Variants in DENND4A observed in about 807,000 individuals in gnomAD.
The protein encoded by DENND4A is C-myc promoter-binding protein.
A neutral mutation model predicts 199.3 loss-of-function variants in DENND4A; 70 were observed. The observed-to-expected ratio is 0.35, with a 90% confidence interval of 0.29 to 0.43. DENND4A has a LOEUF of 0.43. Among genes scored for constraint, DENND4A ranks in the 20% least tolerant of loss-of-function variants. DENND4A has a pLI of 1.00. For synonymous variants in DENND4A, 686 were observed against 766.9 expected (o/e 0.89, Z 1.74); for missense variants, 1,723 against 2,255.8 (o/e 0.76, Z 4.78).
chr15:65,765,360 G>T (rs2076956562), intron 1 of DENND4A, among the ~76,000 whole-genome samples: 1 of 152,302 alleles, frequency 6.6e-6, no homozygotes, highest in African/African-American at 2.4e-5. Flanking sequence ...TGTGCTTCCT[G>T]CAGCTACATG....
rs531502256 is a variant in DENND4A, at chr15:65,764,544, T to C, written c.-101-3106A>G. Among the ~76,000 whole-genome samples the C allele has an allele frequency of 3.3e-5, 5 of 152,064 alleles. No homozygotes were observed. The South Asian group carries it at 1.0e-3, about 32-fold the overall frequency. ...TACTCGGGAGGCTGAGACATGAGAA[T>C]TGCTTGAACCCTGGAGGCGGAGGTT... is the stretch of plus-strand genomic sequence containing the variant. On this transcript the variant is annotated intron_variant, in intron 1 of 32. Transcript: ENST00000443035.
chr15:65,770,913 T>C (rs568560397), intron 1 of DENND4A, among the ~76,000 whole-genome samples: 1 of 152,344 alleles, frequency 6.6e-6, no homozygotes, highest in South Asian at 2.1e-4. Context: ...TGATAATCCT[T>C]TCTCAAGACA....
rs555143443 is a variant in DENND4A, at chr15:65,722,279, A to T, written c.1588+569T>A. Among the ~76,000 whole-genome samples the T allele has an allele frequency of 1.5e-4, 23 of 152,262 alleles. 2 individuals carry two copies. In the South Asian group the frequency reaches 4.8e-3, roughly 32 times the overall value. ...GGGAGAACTGCTTGAGCCCAGGACAACATGGTAAGACCCTGTCTCTGTAAC... is the reference window on the plus strand; with the variant it reads ...GGGAGAACTGCTTGAGCCCAGGACATCATGGTAAGACCCTGTCTCTGTAAC... On this transcript the variant is annotated intron_variant, in intron 12 of 32. Coordinates refer to ENST00000443035, the MANE Select transcript of DENND4A (RefSeq NM_001320835.1).
At chr15:65,788,398 C>T (rs1188511131) in intron 1 of DENND4A, among the ~76,000 whole-genome samples, 1 of 152,130 alleles carries the variant, frequency 6.6e-6, no homozygotes, top group African/African-American at 2.4e-5. Flanking sequence ...AGAACACCTT[C>T]ATCTAAATTA....
chr15:65,697,916 A>G (rs1015501901), intron 20 of DENND4A, among the ~76,000 whole-genome samples: 1 of 152,176 alleles, frequency 6.6e-6, no homozygotes, highest in Non-Finnish European at 1.5e-5. Context: ...GTACAAATAC[A>G]TGGGAATGAG....
At chr15:65,770,807 C>G (rs2077106308) in intron 1 of DENND4A, among the ~76,000 whole-genome samples, 1 of 152,172 alleles carries the variant, frequency 6.6e-6, no homozygotes, top group East Asian at 1.9e-4. Context: ...AATAAAAAAG[C>G]AGTAACCTGT....
intron 7 of DENND4A, 64 bp downstream of exon 7, chr15:65,737,643 C>T (rs368521607): frequency 3.0e-5 from 45 of 1,480,962 alleles, no homozygotes; most frequent in African/African-American, 1.0e-4. Context: ...ACCCAGTTGC[C>T]GACACAAATT....
At chr15:65,780,984 G>A (rs951233697) in intron 1 of DENND4A, among the ~76,000 whole-genome samples, 1 of 152,170 alleles carries the variant, frequency 6.6e-6, no homozygotes, top group African/African-American at 2.4e-5. Context: ...AGATTATTCT[G>A]GGAGGGACCC....
intron 21 of DENND4A, 48 bp downstream of exon 21, chr15:65,697,219 G>T: frequency 1.7e-6 from 2 of 1,164,864 alleles, no homozygotes; most frequent in Non-Finnish European, 2.5e-6. Context: ...CATTTTCTAT[G>T]AATATAAGTT....
intron 4 of DENND4A, among the ~76,000 whole-genome samples, chr15:65,747,667 A>G (rs951620439): frequency 3.3e-5 from 5 of 152,040 alleles, no homozygotes; most frequent in African/African-American, 1.2e-4. Flanking sequence ...ATATCAATAC[A>G]CCCCAGTTTT....
At chr15:65,714,841 C>T (rs763526540) in intron 14 of DENND4A, among the ~76,000 whole-genome samples, 2 of 152,144 alleles carry the variant, frequency 1.3e-5, no homozygotes, top group African/African-American at 4.8e-5. Context: ...GGAATACTCT[C>T]CTTACCTGGC....
chr15:65,675,081 A>C (rs1323204473), intron 24 of DENND4A, among the ~76,000 whole-genome samples: 1 of 152,232 alleles, frequency 6.6e-6, no homozygotes, highest in Non-Finnish European at 1.5e-5. Context: ...TATTACATCC[A>C]TTCTTCATAC....
intron 1 of DENND4A, among the ~76,000 whole-genome samples, chr15:65,789,320 G>A (rs889460557): frequency 6.6e-6 from 1 of 152,126 alleles, no homozygotes; most frequent in African/African-American, 2.4e-5. Context: ...CCAAAGGGCT[G>A]TAATAACAGG....
chr15:65,715,463 T>C lies in DENND4A; in HGVS notation c.1953+15A>G, dbSNP rs1567037412. ...ACAAAATAAGTTAGGGCATTGTAGA[T>C]GTACTGTTACTTACTTTATCTACAC... is the stretch of plus-strand genomic sequence containing the variant. On this transcript the variant is annotated intron_variant, in intron 14 of 32. Coordinates refer to ENST00000443035, the MANE Select transcript of DENND4A (RefSeq NM_001320835.1). 6.2e-7 allele frequency: 1 copy of C among 1,600,314 alleles called. No individual in the cohort carries two copies. The highest frequency in any genetic ancestry group is 8.5e-7 in the Non-Finnish European group (1 of 1,176,106).
chr15:65,712,918 T>A (rs1243125326), intron 14 of DENND4A, among the ~76,000 whole-genome samples: 2 of 152,102 alleles, frequency 1.3e-5, no homozygotes, highest in East Asian at 1.9e-4. Flanking sequence ...TACAGGAAAA[T>A]TTAAGCACAG....
rs555021030 is a variant in DENND4A, at chr15:65,769,891, G to C, written c.-101-8453C>G. On this transcript the variant is annotated intron_variant, in intron 1 of 32. Coordinates refer to ENST00000443035, the MANE Select transcript of DENND4A (RefSeq NM_001320835.1). ...TACAACTGCTAAACACAGAAGACCA[G>C]AAATCAAATAGTTTTATCTCCAGTA... Among the ~76,000 whole-genome samples, 35 of 151,242 alleles carry C rather than the reference G, an allele frequency of 2.3e-4. No homozygotes were observed. In the East Asian group the frequency reaches 4.1e-3, roughly 18 times the overall value.
At chr15:65,694,986 T>A (rs1191956598) in intron 22 of DENND4A, among the ~76,000 whole-genome samples, 1 of 152,002 alleles carries the variant, frequency 6.6e-6, no homozygotes, top group African/African-American at 2.4e-5. Flanking sequence ...CAGACAGCAA[T>A]GAAAGAACAA....
chr15:65,683,127 G>A (rs1054508083), intron 23 of DENND4A, among the ~76,000 whole-genome samples: 6 of 152,180 alleles, frequency 3.9e-5, no homozygotes, highest in Non-Finnish European at 8.8e-5. Context: ...ACACAGGTTT[G>A]CCACAAACTT....
chr15:65,681,586 T>TG (rs1328884430), intron 23 of DENND4A, among the ~76,000 whole-genome samples: 1 of 151,826 alleles, frequency 6.6e-6, no homozygotes, highest in African/African-American at 2.4e-5. Context: ...TTTGTTTTTT[T>TG]TTTTTTTGAG....
Sources: gnomAD v4.1 joint callset for allele counts (sites outside exome capture counted in the v4.1 genomes callset) on GRCh38, gnomAD v4.1.1 for gene constraint, MANE v1.5 for transcripts, NCBI Gene and HGNC (gene_info 2026-07-23, HGNC 2026-07-21) for gene names.